The following RIN3 variants were observed in gnomAD, a reference collection of about 807,000 sequenced individuals.
RIN3 encodes the protein Ras and Rab interactor 3.
A neutral mutation model predicts 76.3 loss-of-function variants in RIN3; 54 were observed. The ratio of observed to expected loss-of-function variants is 0.71; its 90% CI spans 0.57 to 0.89. The LOEUF is 0.89. Among genes scored for constraint, RIN3 ranks in the 40% least tolerant of loss-of-function variants. The pLI is 0.00. For missense variants in RIN3, 1,256 were observed against 1,322.1 expected, an observed-to-expected ratio of 0.95 and a Z score of 0.78; for synonymous variants, 576 against 564.0, an observed-to-expected ratio of 1.02 and a Z score of -0.30.
chr14:92,598,210 T>C (rs1200247024), intron 3 of RIN3, among the ~76,000 whole-genome samples: 1 of 152,144 alleles, frequency 6.6e-6, no homozygotes, highest in African/African-American at 2.4e-5. Context: ...GGAGAGACCA[T>C]GTGGAGAGGC....
intron 1 of RIN3, among the ~76,000 whole-genome samples, chr14:92,547,179 TTTA>T (rs371676099): frequency 3.0e-3 from 2 of 672 alleles, no homozygotes; most frequent in African/African-American, 6.3e-3. Context: ...TTATCTTTAT[TTTA>T]TTATTATAAA....
In RIN3 at chr14:92,592,077, G is replaced by T. The variant is rs1448619749; in HGVS notation, c.367+14600G>T. Among the ~76,000 whole-genome samples the T allele has an allele frequency of 3.3e-5, 5 of 152,128 alleles. No individual in the cohort carries two copies. In the East Asian group the frequency reaches 9.6e-4, roughly 29 times the overall value. ...TGGCCCAACAATAATACAAGGAATG[G>T]GAGGAAGAAATTAAGATTGTTTTGT... On this transcript the variant is annotated intron_variant, in intron 3 of 9. Coordinates refer to ENST00000216487, the MANE Select transcript of RIN3 (RefSeq NM_024832.5).
chr14:92,627,718 C>A (rs969382975), intron 4 of RIN3, among the ~76,000 whole-genome samples: 4 of 152,218 alleles, frequency 2.6e-5, no homozygotes, highest in African/African-American at 9.7e-5. Context: ...GCCCTTGAGG[C>A]CACGTCAGCA....
At chr14:92,533,304 G>A (rs1211160463) in intron 1 of RIN3, among the ~76,000 whole-genome samples, 1 of 152,186 alleles carries the variant, frequency 6.6e-6, no homozygotes, top group Admixed American at 6.5e-5. Flanking sequence ...ACAGTGTGCA[G>A]ATTCCTTAAA....
rs1453003594 is a variant in RIN3 at position 92,568,322 on chromosome 14, G to A, written c.250-9038G>A. On this transcript the variant is annotated intron_variant, in intron 2 of 9. Coordinates refer to ENST00000216487, the MANE Select transcript of RIN3 (RefSeq NM_024832.5). This position sits in a 1 kb window ranked among gnomAD's most constrained non-coding sequence, Gnocchi z 4.2. ...GACACTCGATCAGCGAGTGGGCAGG[G>A]AGGCAATGTAGATATAAACAACTCA... Among the ~76,000 whole-genome samples, 1 of 152,208 alleles carries A rather than the reference G, an allele frequency of 6.6e-6. No individual in the cohort carries two copies. Among genetic ancestry groups the A allele is most frequent in the Non-Finnish European group, 1.5e-5 (1 of 68,048 alleles).
chr14:92,661,015 A>G (rs890881603), intron 7 of RIN3, among the ~76,000 whole-genome samples: 7 of 152,068 alleles, frequency 4.6e-5, no homozygotes, highest in African/African-American at 9.7e-5. Context: ...GTCACTTACT[A>G]CCTATTTAAC....
In RIN3 at chr14:92,688,020, G is replaced by A. The variant is rs768687718; in HGVS notation, c.2726G>A (p.Cys909Tyr). 40 of 1,586,180 alleles carry A rather than the reference G, an allele frequency of 2.5e-5. No homozygotes were observed. Among genetic ancestry groups the A allele is most frequent in the Middle Eastern group, 1.7e-4 (1 of 5,882 alleles). The change falls in exon 10 of 10, where the codon TGC (cysteine) becomes TAC (tyrosine). Residue 909 changes from cysteine (C) to tyrosine (Y), a missense_variant. Cys to Tyr is a radical substitution (Grantham distance 194). This residue lies in a region of RIN3 where 218 missense variants were observed against 174.5 expected (regional missense o/e 1.25). Transcript: ENST00000216487. ...CAGGCCCAGGCGCTGTGCGCGCAGT[G>A]CGCGGAGAAGTTCGCGGTGGAGCGG... The part of the protein sequence containing the change: ...DTQAQALCAQ[C>Y]AEKFAVERPQ...
Position 92,637,347 on chromosome 14 carries a change from A to G in RIN3, c.441-3891A>G, listed in dbSNP as rs150828153. Among the ~76,000 whole-genome samples the G allele has an allele frequency of 4.9e-4, 74 of 152,170 alleles. No homozygotes were observed. In the East Asian group the frequency reaches 0.012, roughly 25 times the overall value. Reference sequence around the variant, plus strand: ...AGTTCACAGCAGGGTTCATGCTTCTATGAGAATGGAACGCTGCTGCTGATC... The same window carrying G: ...AGTTCACAGCAGGGTTCATGCTTCTGTGAGAATGGAACGCTGCTGCTGATC... On this transcript the variant is annotated intron_variant, in intron 4 of 9. Transcript: ENST00000216487.
At chr14:92,529,285 G>C (rs747537909) in intron 1 of RIN3, among the ~76,000 whole-genome samples, 5 of 144,530 alleles carry the variant, frequency 3.5e-5, no homozygotes, top group Non-Finnish European at 7.5e-5. Flanking sequence ...GTCTCGCACT[G>C]TCACCTGGGC....
intron 3 of RIN3, among the ~76,000 whole-genome samples, chr14:92,602,895 T>C (rs1044866406): frequency 2.0e-5 from 3 of 152,200 alleles, no homozygotes; most frequent in South Asian, 2.1e-4. Flanking sequence ...AGCTATCCCT[T>C]AGAACCCTTC....
intron 8 of RIN3, among the ~76,000 whole-genome samples, 158 bp from the exon 9 acceptor site, chr14:92,684,829 G>C (rs564084863): frequency 5.9e-5 from 9 of 152,088 alleles, no homozygotes; most frequent in African/African-American, 1.9e-4. Context: ...GAGGGTGGGC[G>C]TGGGGTTGAG....
intron 3 of RIN3, among the ~76,000 whole-genome samples, chr14:92,595,835 T>A (rs1330490269): frequency 6.6e-6 from 1 of 152,182 alleles, no homozygotes; most frequent in Non-Finnish European, 1.5e-5. Context: ...TAAAGGAAAA[T>A]ACATGTTGCT....
At position 92,514,504 on chromosome 14, in the gene RIN3, A is replaced by G. The variant is rs922868877; in HGVS notation, c.44+528A>G. 3.3e-5 allele frequency among the ~76,000 whole-genome samples: 5 copies of G among 152,174 alleles called. No homozygotes were observed. The highest frequency in any genetic ancestry group is 1.2e-4 in the African/African-American group (5 of 41,444). On this transcript the variant is annotated intron_variant, in intron 1 of 9. Coordinates refer to ENST00000216487, the MANE Select transcript of RIN3 (RefSeq NM_024832.5). The surrounding 1 kb of genome is among the most constrained non-coding windows in gnomAD (Gnocchi z 7.2). ...CCCAACAGCTGACCGGCCCTCCTGG[A>G]CCGAGGGTCCACTGGGCCCTTTTCC...
intron 1 of RIN3, among the ~76,000 whole-genome samples, chr14:92,544,720 A>T (rs78174586): frequency 1.6e-3 from 71 of 44,808 alleles, no homozygotes; most frequent in African/African-American, 4.5e-3. Flanking sequence ...TTTTTTTTTT[A>T]AATTAAATAT....
chr14:92,655,217 A>T (rs1389431275), intron 6 of RIN3, among the ~76,000 whole-genome samples: 1 of 151,864 alleles, frequency 6.6e-6, no homozygotes, highest in African/African-American at 2.4e-5. Flanking sequence ...GCATGGTGGC[A>T]TGTGCCTGTA....
rs1318798796 is a variant in RIN3 at position 92,577,446 on chromosome 14, G to A, written c.336G>A (p.Val112=). 1.9e-6 allele frequency: 3 copies of A among 1,613,190 alleles called. No homozygotes were observed. In the South Asian group the frequency reaches 3.3e-5, roughly 18 times the overall value. Residue 112 remains valine (V), a synonymous_variant, in exon 3 of 10, where the codon GTG becomes GTA. Coordinates refer to ENST00000216487, the MANE Select transcript of RIN3 (RefSeq NM_024832.5). The stretch of plus-strand genomic sequence containing the variant: ...CTCTGAACGAAAGCTCGGCCGAGGT[G>A]CTCGAATACACCATTAAGGAAGAAA... ...FPSLNESSAE[V]LEYTIKEEKS... is the part of the protein sequence containing the mutation.
chr14:92,595,724 A>G (rs2140082294), intron 3 of RIN3, among the ~76,000 whole-genome samples: 1 of 152,294 alleles, frequency 6.6e-6, no homozygotes, highest in East Asian at 1.9e-4. Context: ...CTCACCTGGC[A>G]AGAGACAGAT....
chr14:92,619,441 T>G (rs1204305789), intron 4 of RIN3, among the ~76,000 whole-genome samples: 1 of 145,040 alleles, frequency 6.9e-6, no homozygotes, highest in East Asian at 2.0e-4. Flanking sequence ...TAGTCTTTTT[T>G]TTTTTTTTTT....
chr14:92,574,692 C>G (rs1240253178), intron 2 of RIN3, among the ~76,000 whole-genome samples: 3 of 152,148 alleles, frequency 2.0e-5, no homozygotes, highest in Non-Finnish European at 2.9e-5. Context: ...TCCATCGCCC[C>G]CTATTGCTCC....
Sources: gnomAD v4.1 joint callset for allele counts (sites outside exome capture counted in the v4.1 genomes callset) on GRCh38, gnomAD v4.1.1 for gene constraint, gnomAD v4.1.1 regional missense constraint, Gnocchi (gnomAD v3.1) non-coding constraint, MANE v1.5 for transcripts, NCBI Gene and HGNC (gene_info 2026-07-23, HGNC 2026-07-21) for gene names.